The following ZNF3 variants were observed in gnomAD, a reference collection of about 807,000 sequenced individuals.
ZNF3 encodes the protein C2-H2 type zinc finger protein.
In ZNF3, 16 loss-of-function variants were observed where a neutral mutation model predicts 36.9. The ratio of observed to expected loss-of-function variants is 0.43; its 90% CI spans 0.29 to 0.66. The LOEUF is 0.66. Among genes scored for constraint, ZNF3 ranks in the 30% least tolerant of loss-of-function variants. The pLI is 0.13. For missense variants in ZNF3, 462 were observed against 543.1 expected (o/e 0.85, Z 1.48); for synonymous variants, 201 against 201.9 (o/e 1.00, Z 0.04).
In ZNF3 at chr7:100,070,823, T is replaced by C; in HGVS notation, c.*320A>G. On this transcript the variant is annotated 3_prime_UTR_variant, in exon 6 of 6. Transcript: ENST00000299667. ...CTCCAACTAAAGGAATCCATCGAAT[T>C]CTGTCCCGACTGTGCTTCCATCCCC... 9.0e-7 allele frequency: 1 copy of C among 1,110,652 alleles called. No homozygotes were observed. The highest frequency in any genetic ancestry group is 1.1e-6 in the Non-Finnish European group (1 of 908,894). 68.8% of individuals were successfully genotyped at this position (1,110,652 alleles called of 1,614,324 possible). A position where few individuals can be genotyped will look rare whatever the true frequency, so the allele number is the denominator to read the frequency against.
chr7:100,069,671 T>C (rs1473264165), downstream of ZNF3, among the ~76,000 whole-genome samples: 3 of 152,056 alleles, frequency 2.0e-5, no homozygotes, highest in Non-Finnish European at 4.4e-5. Context: ...TGGAGTTCAA[T>C]GGCGCGATCT....
chr7:100,074,303 C>G (rs1793708104), intron 5 of ZNF3, among the ~76,000 whole-genome samples: 1 of 152,194 alleles, frequency 6.6e-6, no homozygotes, highest in African/African-American at 2.4e-5. Context: ...GAGACAGGGT[C>G]TGTGTCACCC....
At chr7:100,074,731 G>A (rs765593658) in intron 5 of ZNF3, among the ~76,000 whole-genome samples, 2 of 152,116 alleles carry the variant, frequency 1.3e-5, no homozygotes, top group Non-Finnish European at 2.9e-5. Context: ...AGTTTCCTAA[G>A]ACTAAGTCAA....
Position 100,070,028 on chromosome 7 carries a change from C to T in ZNF3, c.*1115G>A. The T allele has an allele frequency of 1.0e-6, 1 of 985,874 alleles. No individual in the cohort carries two copies. Among genetic ancestry groups the T allele is most frequent in the African/African-American group, 1.7e-5 (1 of 57,354 alleles). The allele number at this position is 985,874 out of a possible 1,614,324, so 61.1% of individuals were successfully genotyped here. A position where few individuals can be genotyped will look rare whatever the true frequency, so the allele number is the denominator to read the frequency against. ...CACTTCATTTATGCTACAGGATGAG[C>T]AGGGTTGGGAAAACACAATGGAAGG... On this transcript the variant is annotated 3_prime_UTR_variant, in exon 6 of 6. Transcript: ENST00000299667.
downstream of ZNF3, among the ~76,000 whole-genome samples, chr7:100,069,180 T>G (rs192974803): frequency 8.0e-4 from 122 of 152,068 alleles, no homozygotes; most frequent in African/African-American, 2.8e-3. Flanking sequence ...CCACGTTGCC[T>G]AGGCTGGTCT....
rs372658434 is a variant in ZNF3, at chr7:100,075,586, C to T, written c.100G>A (p.Gly34Arg). ...AGCGCAGCCGCCAACATCTCATCCC[C>T]CAGGCTGTCCTTGTCGGAAAAGGCA... ...VPAFSDKDSL[G>R]DEMLAAALLK... Residue 34 changes from glycine (G) to arginine (R), a missense_variant, in exon 4 of 6, where the codon GGG becomes AGG. By Grantham distance (125) the Gly-to-Arg change is moderately radical (BLOSUM62 -2). Coordinates refer to ENST00000299667, the MANE Select transcript of ZNF3 (RefSeq NM_032924.5). The T allele has an allele frequency of 8.7e-6, 14 of 1,614,020 alleles. No homozygotes were observed. In the African/African-American group the frequency reaches 1.5e-4, roughly 17 times the overall value.
chr7:100,064,006 A>G (rs1307726047), downstream of ZNF3: 1 of 1,614,088 alleles, frequency 6.2e-7, no homozygotes, highest in Non-Finnish European at 8.5e-7. Context: ...TACTAAACCT[A>G]CCCCAGGAGA....
intron 3 of ZNF3, 40 bp from the exon 4 acceptor site, chr7:100,075,670 CT>C: frequency 3.8e-6 from 6 of 1,597,124 alleles, no homozygotes; most frequent in Non-Finnish European, 5.1e-6. Flanking sequence ...AGTCCATCTG[CT>C]CTGTGACCTC....
At position 100,081,719 on chromosome 7, in the gene ZNF3, A is replaced by T. The variant is rs935059869; in HGVS notation, c.-282T>A. 6.6e-6 allele frequency: 1 copy of T among 152,480 alleles called. No homozygotes were observed. Among genetic ancestry groups the T allele is most frequent in the East Asian group, 1.9e-4 (1 of 5,202 alleles). 9.4% of individuals were successfully genotyped at this position (152,480 alleles called of 1,614,324 possible). A position where few individuals can be genotyped will look rare whatever the true frequency, so the allele number is the denominator to read the frequency against. On this transcript the variant is annotated 5_prime_UTR_variant, in exon 1 of 6. Transcript: ENST00000299667. The surrounding 1 kb of genome is among the most constrained non-coding windows in gnomAD (Gnocchi z 4.3). The stretch of plus-strand genomic sequence containing the variant: ...TGTCACAGACCCACACACCGGGGAC[A>T]GAACAAAGAACGGAAGTTCCCCCTC...
chr7:100,075,367 G>T, intron 4 of ZNF3, 106 bp from the exon 5 acceptor site: 1 of 1,593,454 alleles, frequency 6.3e-7, no homozygotes, highest in Non-Finnish European at 8.6e-7. Flanking sequence ...GGGAAGGGAG[G>T]AAGGGAGGAC....
At chr7:100,075,470 G>A in intron 4 of ZNF3, 72 bp downstream of exon 4, 1 of 1,577,806 alleles carries the variant, frequency 6.3e-7, no homozygotes, top group Non-Finnish European at 8.7e-7. Context: ...GGAGATCAGG[G>A]TTTAAAGCTC....
In ZNF3 at chr7:100,072,200, C is replaced by A; in HGVS notation, c.284G>T (p.Arg95Met). Residue 95 changes from arginine (R) to methionine (M), a missense_variant, in exon 6 of 6, where the codon AGG becomes ATG. By Grantham distance (91) the Arg-to-Met change is moderately conservative. Coordinates refer to ENST00000299667, the MANE Select transcript of ZNF3 (RefSeq NM_032924.5). ...AGAAATTTCTTGATCATTTTCAGTC[C>A]TGGTCTCACGATCTGACACAATAAA... ...GNVFSLDRET[R>M]TENDQEISED... is the part of the protein sequence containing the mutation. 6.3e-7 allele frequency: 1 copy of A among 1,585,698 alleles called. No individual in the cohort carries two copies. The highest frequency in any genetic ancestry group is 1.9e-5 in the Admixed American group (1 of 52,046).
rs1792884299 is a variant in ZNF3 at position 100,070,077 on chromosome 7, C to T, written c.*1066G>A. On this transcript the variant is annotated 3_prime_UTR_variant, in exon 6 of 6. Coordinates refer to ENST00000299667, the MANE Select transcript of ZNF3 (RefSeq NM_032924.5). ...GGTCATCCCGTCGGTTGGGAAAACT[C>T]GGGGAGTGCCATCCTCACCCAGCAA... 1.0e-6 allele frequency: 1 copy of T among 985,798 alleles called. No homozygotes were observed. 61.1% of individuals were successfully genotyped at this position (985,798 alleles called of 1,614,324 possible).
chr7:100,071,270 A>C lies in ZNF3; in HGVS notation c.1214T>G (p.Phe405Cys). 1 of 1,614,244 alleles carries C rather than the reference A, an allele frequency of 6.2e-7. No individual in the cohort carries two copies. Among genetic ancestry groups the C allele is most frequent in the Non-Finnish European group, 8.5e-7 (1 of 1,180,040 alleles). Reference protein sequence around the residue: ...PYECSECGKAFRYSSALVRHQ... With the variant: ...PYECSECGKACRYSSALVRHQ... ...GCGAACAAGAGCCGAGCTGTACCTGAAGGCTTTCCCACACTCACTACATTC... is the reference window on the plus strand; with the variant it reads ...GCGAACAAGAGCCGAGCTGTACCTGCAGGCTTTCCCACACTCACTACATTC... Residue 405 changes from phenylalanine (F) to cysteine (C), a missense_variant, in exon 6 of 6, where the codon TTC becomes TGC. Physicochemically the swap from Phe to Cys is radical, Grantham distance 205 (BLOSUM62 -2). Coordinates refer to ENST00000299667, the MANE Select transcript of ZNF3 (RefSeq NM_032924.5).
downstream of ZNF3, among the ~76,000 whole-genome samples, chr7:100,068,022 G>T (rs1296909046): frequency 1.3e-5 from 2 of 152,210 alleles, no homozygotes; most frequent in Non-Finnish European, 2.9e-5. Flanking sequence ...AAGTCCAGGT[G>T]TAACTGCTCT....
At chr7:100,080,058 A>C (rs548074774) in intron 1 of ZNF3, among the ~76,000 whole-genome samples, 2 of 152,280 alleles carry the variant, frequency 1.3e-5, no homozygotes, top group East Asian at 3.9e-4. Context: ...GAGAATACTT[A>C]TTATATGCTA....
Position 100,070,172 on chromosome 7 carries a change from T to G in ZNF3, c.*971A>C. 1.0e-6 allele frequency: 1 copy of G among 984,968 alleles called. No homozygotes were observed. Among genetic ancestry groups the G allele is most frequent in the Non-Finnish European group, 1.2e-6 (1 of 829,826 alleles). 61.0% of individuals were successfully genotyped at this position (984,968 alleles called of 1,614,324 possible). A position where few individuals can be genotyped will look rare whatever the true frequency, so the allele number is the denominator to read the frequency against. ...TTCGTTTTTTTGTTTTTTTGTTTTT[T>G]TTTTCTCCCTTTTGGGCTTTGCTCT... On this transcript the variant is annotated 3_prime_UTR_variant, in exon 6 of 6. Transcript: ENST00000299667.
chr7:100,068,747 TC>T (rs1040911558), downstream of ZNF3, among the ~76,000 whole-genome samples: 62 of 152,134 alleles, frequency 4.1e-4, no homozygotes, highest in African/African-American at 1.3e-3. Context: ...AGGCTCAACT[TC>T]CTAGGCTCAA....
intron 2 of ZNF3, chr7:100,077,738 AT>A (rs35738654): frequency 1.7e-3 from 269 of 159,542 alleles, no homozygotes; most frequent in African/African-American, 6.0e-3. Flanking sequence ...AATTTTCTTT[AT>A]TTTTTTTAAG....
Sources: allele counts gnomAD v4.1 joint callset (sites outside exome capture counted in the v4.1 genomes callset), GRCh38; gene constraint gnomAD v4.1.1; non-coding constraint Gnocchi (gnomAD v3.1); transcripts MANE v1.5; gene names NCBI Gene and HGNC (gene_info 2026-07-23, HGNC 2026-07-21).